The following ATP9A variants were observed in gnomAD, a reference collection of about 807,000 sequenced individuals.
ATP9A encodes the protein probable phospholipid-transporting ATPase IIA.
A neutral mutation model predicts 144.1 loss-of-function variants in ATP9A; 52 were observed. The ratio of observed to expected loss-of-function variants is 0.36; its 90% CI spans 0.29 to 0.45. ATP9A has a LOEUF of 0.45. Among genes scored for constraint, ATP9A ranks in the 20% least tolerant of loss-of-function variants. The probability of loss-of-function intolerance (pLI) is 1.00; values close to 1 mark genes in which losing one functional copy is unlikely to be tolerated. For synonymous variants in ATP9A, 582 were observed against 557.4 expected, an observed-to-expected ratio of 1.04 and a Z score of -0.62; for missense variants, 947 against 1,392.7, an observed-to-expected ratio of 0.68 and a Z score of 5.09.
intron 14 of ATP9A, among the ~76,000 whole-genome samples, chr20:51,654,319 A>G (rs1304556686): frequency 6.6e-6 from 1 of 152,198 alleles, no homozygotes; most frequent in East Asian, 1.9e-4. Flanking sequence ...AGGACACAGA[A>G]GATGACACTC....
At chr20:51,750,450 C>G (rs1361545433) in intron 1 of ATP9A, among the ~76,000 whole-genome samples, 2 of 152,188 alleles carry the variant, frequency 1.3e-5, no homozygotes, top group East Asian at 1.9e-4. Flanking sequence ...GGCCACAGAG[C>G]CTGGCTGGCA....
At chr20:51,757,273 C>G (rs1160056922) in intron 1 of ATP9A, among the ~76,000 whole-genome samples, 1 of 152,144 alleles carries the variant, frequency 6.6e-6, no homozygotes, top group Non-Finnish European at 1.5e-5. Flanking sequence ...CCACCTCGGC[C>G]TCCCAAAGTG....
In ATP9A at chr20:51,677,293, G is replaced by A. The variant is rs896869712; in HGVS notation, c.800-1085C>T. ...CATTAGGGCCAAACCAATGATCTGC[G>A]GCTACACTGACCAAAAGAACAGTCA... On this transcript the variant is annotated intron_variant, in intron 9 of 27. Transcript: ENST00000338821. Among the ~76,000 whole-genome samples the A allele has an allele frequency of 2.6e-5, 4 of 152,052 alleles. No homozygotes were observed. The East Asian group carries it at 5.8e-4, about 22-fold the overall frequency.
At chr20:51,733,371 C>T (rs1305185260) in intron 1 of ATP9A, among the ~76,000 whole-genome samples, 1 of 151,858 alleles carries the variant, frequency 6.6e-6, no homozygotes, top group African/African-American at 2.4e-5. Context: ...GAGGCCCATT[C>T]CTCATGCCTT....
intron 1 of ATP9A, among the ~76,000 whole-genome samples, chr20:51,738,810 C>T (rs1217326286): frequency 6.6e-6 from 1 of 152,062 alleles, no homozygotes; most frequent in African/African-American, 2.4e-5. Context: ...AGGCTGGGCG[C>T]GGTGGCTCAC....
chr20:51,662,329 G>C lies in ATP9A; in HGVS notation c.1294-5179C>G, dbSNP rs186765999. Among the ~76,000 whole-genome samples, 324 of 152,218 alleles carry C rather than the reference G, an allele frequency of 2.1e-3. 2 individuals are homozygous for C. The highest frequency in any genetic ancestry group is 7.6e-3 in the African/African-American group (315 of 41,534). On this transcript the variant is annotated intron_variant, in intron 13 of 27. Transcript: ENST00000338821. ...TTGGGGGAAGACGAGTGGATCGCCT[G>C]AGGTCGGGAGCTCGAGACCAGCCTG...
chr20:51,713,649 T>C (rs1568832397), intron 3 of ATP9A, among the ~76,000 whole-genome samples: 2 of 152,234 alleles, frequency 1.3e-5, no homozygotes, highest in Non-Finnish European at 2.9e-5. Context: ...CTTAGGTGGA[T>C]GGAGCCAGTA....
At chr20:51,751,443 G>A (rs971892568) in intron 1 of ATP9A, among the ~76,000 whole-genome samples, 1 of 151,476 alleles carries the variant, frequency 6.6e-6, no homozygotes, top group Non-Finnish European at 1.5e-5. Flanking sequence ...ATTTTTCTTG[G>A]TAGAGATGGA....
At chr20:51,724,871 A>G (rs35024663) in intron 3 of ATP9A, among the ~76,000 whole-genome samples, 12,998 of 152,270 alleles carry the variant, frequency 0.085, 668 homozygotes, top group African/African-American at 0.14. Context: ...TACATTGGTT[A>G]AAAAGAAAAT....
At chr20:51,651,165 T>TACATACACAC (rs2077362878) in intron 14 of ATP9A, among the ~76,000 whole-genome samples, 1 of 140,284 alleles carries the variant, frequency 7.1e-6, no homozygotes, top group African/African-American at 2.7e-5. Context: ...TATATATATA[T>TACATACACAC]ACACACACAC....
At chr20:51,668,582 G>A (rs192738511) in intron 13 of ATP9A, among the ~76,000 whole-genome samples, 5 of 152,144 alleles carry the variant, frequency 3.3e-5, no homozygotes, top group East Asian at 1.9e-4. Flanking sequence ...AGAGGAAGAC[G>A]GTCAAAGAGA....
chr20:51,627,057 CAAAA>C (rs11481602), intron 17 of ATP9A, among the ~76,000 whole-genome samples: 1 of 111,048 alleles, frequency 9.0e-6, no homozygotes. Context: ...AACTCTGTCT[CAAAA>C]AAAAAAAAAA....
intron 15 of ATP9A, among the ~76,000 whole-genome samples, chr20:51,629,618 A>T (rs772714220): frequency 5.9e-5 from 9 of 152,288 alleles, no homozygotes; most frequent in Non-Finnish European, 1.0e-4. Flanking sequence ...GACTTTAGCA[A>T]ATGTCTCCTG....
At chr20:51,718,041 T>C (rs983009754) in intron 3 of ATP9A, among the ~76,000 whole-genome samples, 1 of 151,828 alleles carries the variant, frequency 6.6e-6, no homozygotes, top group South Asian at 2.1e-4. Flanking sequence ...ATAGTGTAAA[T>C]GAGGCTGCAG....
Position 51,731,064 on chromosome 20 carries a change from G to C in ATP9A, c.69-1086C>G, listed in dbSNP as rs190121212. 4.1e-3 allele frequency among the ~76,000 whole-genome samples: 627 copies of C among 152,100 alleles called. 3 individuals are homozygous for C. The highest frequency in any genetic ancestry group is 9.8e-3 in the African/African-American group (406 of 41,494). On this transcript the variant is annotated intron_variant, in intron 1 of 27. Coordinates refer to ENST00000338821, the MANE Select transcript of ATP9A (RefSeq NM_006045.3). ...CTCATGCCTGTAATCCCAGCACTTT[G>C]GGAGGCCGAGGCAGGCGGATCATGA... is the stretch of plus-strand genomic sequence containing the variant.
At chr20:51,712,873 C>T in intron 4 of ATP9A, 93 bp downstream of exon 4, 1 of 1,133,688 alleles carries the variant, frequency 8.8e-7, no homozygotes, top group Non-Finnish European at 1.3e-6. Flanking sequence ...GGCATTCCCA[C>T]ACCTGCGGCC....
Position 51,762,524 on chromosome 20 carries a change from C to T in ATP9A, c.68+5778G>A, listed in dbSNP as rs192727259. On this transcript the variant is annotated intron_variant, in intron 1 of 27. Transcript: ENST00000338821. Reference sequence around the variant, plus strand: ...AAAAAAAAAAATTAGCTGGGCGTGGCGGCGGGAGCCTGTAATCCCAGCTAC... The same window carrying T: ...AAAAAAAAAAATTAGCTGGGCGTGGTGGCGGGAGCCTGTAATCCCAGCTAC... Among the ~76,000 whole-genome samples the T allele has an allele frequency of 1.9e-3, 287 of 149,282 alleles. 7 individuals carry two copies. In the East Asian group the frequency reaches 0.045, roughly 23 times the overall value.
rs1601044507 is a variant in ATP9A, at chr20:51,597,001, G to C, written c.*4210C>G. ...TTGCAATGAGGATTACAGAGAGAGA[G>C]ATCAACCAATGAGGAAATCACAGAC... On this transcript the variant is annotated 3_prime_UTR_variant, in exon 28 of 28. Transcript: ENST00000338821. 6.6e-6 allele frequency: 1 copy of C among 152,124 alleles called. No individual in the cohort carries two copies. Among genetic ancestry groups the C allele is most frequent in the East Asian group, 1.9e-4 (1 of 5,204 alleles). The allele number at this position is 152,124 out of a possible 1,614,324, so 9.4% of individuals were successfully genotyped here.
At chr20:51,657,212 A>G (rs2077390841) in intron 13 of ATP9A, 62 bp from the exon 14 acceptor site, 3 of 1,381,234 alleles carry the variant, frequency 2.2e-6, no homozygotes, top group Non-Finnish European at 3.1e-6. Context: ...GGAGAGTGGA[A>G]GAACAGCCGT....
Sources: allele counts gnomAD v4.1 joint callset (sites outside exome capture counted in the v4.1 genomes callset), GRCh38; gene constraint gnomAD v4.1.1; transcripts MANE v1.5; gene names NCBI Gene and HGNC (gene_info 2026-07-23, HGNC 2026-07-21).